Variants in AKAP13 observed in about 807,000 individuals in gnomAD.
AKAP13 encodes the protein A-kinase anchoring protein 13, also known as A-kinase anchor protein 13.
A neutral mutation model predicts 264.5 loss-of-function variants in AKAP13; 80 were observed. The observed-to-expected ratio is 0.30, with a 90% CI of 0.25 to 0.36. AKAP13 has a LOEUF of 0.36. Among genes scored for constraint, AKAP13 ranks in the 10% least tolerant of loss-of-function variants. The pLI is 1.00. For missense variants in AKAP13, 3,712 were observed against 3,435.2 expected (o/e 1.08, Z -2.01); for synonymous variants, 1,380 against 1,250.2 (o/e 1.10, Z -2.19).
At chr15:85,632,523 C>A (rs1318520446) in intron 8 of AKAP13, among the ~76,000 whole-genome samples, 1 of 152,120 alleles carries the variant, frequency 6.6e-6, no homozygotes, top group Non-Finnish European at 1.5e-5. Context: ...ACCATCAGGG[C>A]TTTTGCTGAT....
chr15:85,729,170 G>A (rs986460523), intron 29 of AKAP13, among the ~76,000 whole-genome samples: 38 of 151,988 alleles, frequency 2.5e-4, no homozygotes, highest in Middle Eastern at 3.4e-3. Flanking sequence ...GTGGTGGCAC[G>A]TGCCTGTAAT....
At position 85,668,447 on chromosome 15, in the gene AKAP13, A is replaced by G. The variant is rs146616420; in HGVS notation, c.4993-1275A>G. Among the ~76,000 whole-genome samples, 948 of 152,298 alleles carry G rather than the reference A, an allele frequency of 6.2e-3. 10 individuals carry two copies. The highest frequency in any genetic ancestry group is 0.021 in the African/African-American group (890 of 41,550). ...GGGATGTTGTACCAGGAACTTCTGC[A>G]GGTGGTTGGATTACATGGTCTCAAA... On this transcript the variant is annotated intron_variant, in intron 13 of 36. Coordinates refer to ENST00000394518, the MANE Select transcript of AKAP13 (RefSeq NM_007200.5).
chr15:85,504,647 G>C (rs111421024), intron 2 of AKAP13, among the ~76,000 whole-genome samples: 1 of 141,818 alleles, frequency 7.1e-6, no homozygotes, highest in Non-Finnish European at 1.5e-5. Context: ...AGCCATGGTC[G>C]CACCACTGTA....
Position 85,577,368 on chromosome 15 carries a change from A to G in AKAP13, c.862-1562A>G, listed in dbSNP as rs535294438. The stretch of plus-strand genomic sequence containing the variant: ...CCAGATGTTTGGAAAAATAGATTTT[A>G]GGTGTTGAGAAAATATTTTTATAAG... On this transcript the variant is annotated intron_variant, in intron 6 of 36. Coordinates refer to ENST00000394518, the MANE Select transcript of AKAP13 (RefSeq NM_007200.5). Among the ~76,000 whole-genome samples, 44 of 152,316 alleles carry G rather than the reference A, an allele frequency of 2.9e-4. 1 individual carries two copies. Among genetic ancestry groups the G allele is most frequent in the Middle Eastern group, 3.4e-3 (1 of 294 alleles).
intron 1 of AKAP13, among the ~76,000 whole-genome samples, chr15:85,383,603 TC>T (rs1194598014): frequency 2.0e-5 from 3 of 152,224 alleles, no homozygotes; most frequent in Non-Finnish European, 2.9e-5. Context: ...GAAGTCTATT[TC>T]TTCAAAGGTG....
Position 85,730,584 on chromosome 15 carries a change from G to A in AKAP13, c.7159G>A (p.Ala2387Thr), listed in dbSNP as rs778720505. The A allele has an allele frequency of 1.9e-6, 3 of 1,613,980 alleles. No homozygotes were observed. In the South Asian group the frequency reaches 3.3e-5, roughly 18 times the overall value. Residue 2387 changes from alanine (A) to threonine (T), a missense_variant, in exon 30 of 37, where the codon GCT becomes ACT. Ala to Thr is a moderately conservative substitution (Grantham distance 58). Around this residue, in one of 3 missense-constraint regions of AKAP13, gnomAD observed 342 missense variants for 484.3 expected, o/e 0.71. Coordinates refer to ENST00000394518, the MANE Select transcript of AKAP13 (RefSeq NM_007200.5). ...EEKEMIFRDM[A>T]ECSTPLPEDC... ...GAAGGAGATGATTTTCCGGGACATG[G>A]CTGAGTGCAGCACCCCTCTCCCAGA...
In AKAP13 at chr15:85,723,423, C is replaced by A; in HGVS notation, c.6745+103C>A. On this transcript the variant is annotated intron_variant, in intron 26 of 36. Transcript: ENST00000394518. ...ACTACCAGATTTTTTTCCCAGAGAG[C>A]CCATCTCTAAACACTACCCAGGAGC... 4 of 1,502,966 alleles carry A rather than the reference C, an allele frequency of 2.7e-6. No homozygotes were observed. The South Asian group carries it at 3.9e-5, about 15-fold the overall frequency. 93.1% of individuals were successfully genotyped at this position (1,502,966 alleles called of 1,614,324 possible). A position where few individuals can be genotyped will look rare whatever the true frequency, so the allele number is the denominator to read the frequency against.
chr15:85,559,879 T>A (rs2078297849), intron 5 of AKAP13, among the ~76,000 whole-genome samples: 1 of 152,136 alleles, frequency 6.6e-6, no homozygotes, highest in South Asian at 2.1e-4. Flanking sequence ...TTTAATCACT[T>A]ATAACTTATA....
At chr15:85,403,605 C>T (rs1242295399) in intron 1 of AKAP13, among the ~76,000 whole-genome samples, 1 of 152,082 alleles carries the variant, frequency 6.6e-6, no homozygotes, top group Non-Finnish European at 1.5e-5. Context: ...CTTTGGGAAG[C>T]TGAGGTGGGT....
At chr15:85,509,335 ATAT>A (rs1182467312) in intron 2 of AKAP13, among the ~76,000 whole-genome samples, 1 of 152,206 alleles carries the variant, frequency 6.6e-6, no homozygotes, top group Non-Finnish European at 1.5e-5. Context: ...GTGCTAAATA[ATAT>A]TAAAGATTTT....
At position 85,745,049 on chromosome 15, in the gene AKAP13, G is replaced by A. The variant is rs1348737403; in HGVS notation, c.*372G>A. 1 of 178,854 alleles carries A rather than the reference G, an allele frequency of 5.6e-6. No homozygotes were observed. Among genetic ancestry groups the A allele is most frequent in the Non-Finnish European group, 1.2e-5 (1 of 84,428 alleles). 11.1% of individuals were successfully genotyped at this position (178,854 alleles called of 1,614,324 possible). ...CTGAACCTCCGAATGCCTTTTATTTGGGGGAACACAAAACCAAACAGCAGA... is the reference window on the plus strand; with the variant it reads ...CTGAACCTCCGAATGCCTTTTATTTAGGGGAACACAAAACCAAACAGCAGA... On this transcript the variant is annotated 3_prime_UTR_variant, in exon 37 of 37. Transcript: ENST00000394518.
intron 1 of AKAP13, among the ~76,000 whole-genome samples, chr15:85,444,485 T>C (rs986784564): frequency 1.3e-5 from 2 of 152,200 alleles, no homozygotes; most frequent in Non-Finnish European, 2.9e-5. Flanking sequence ...AACCTTTGAC[T>C]TGGTTGCAGA....
At chr15:85,661,902 GAA>G (rs57846021) in intron 12 of AKAP13, among the ~76,000 whole-genome samples, 61,248 of 136,398 alleles carry the variant, frequency 0.45, 14,109 homozygotes, top group African/African-American at 0.63. Flanking sequence ...GGAAACACAT[GAA>G]AAAAAAAAAA....
At chr15:85,709,654 G>T in intron 18 of AKAP13, among the ~76,000 whole-genome samples, 1 of 126,124 alleles carries the variant, frequency 7.9e-6, no homozygotes, top group Non-Finnish European at 1.8e-5. Flanking sequence ...TAACCTAAAA[G>T]GGGGAATTTT....
At position 85,693,447 on chromosome 15, in the gene AKAP13, T is replaced by G; in HGVS notation, c.5460T>G (p.Cys1820Trp). 1 of 1,612,128 alleles carries G rather than the reference T, an allele frequency of 6.2e-7. No individual in the cohort carries two copies. The highest frequency in any genetic ancestry group is 8.5e-7 in the Non-Finnish European group (1 of 1,179,524). Residue 1820 changes from cysteine to tryptophan, a missense_variant, in exon 17 of 37, where the codon TGT (cysteine) becomes TGG (tryptophan). Cys to Trp is a radical substitution (Grantham distance 215). This residue lies in a region of AKAP13 where 2,759 missense variants were observed against 2,411.7 expected (regional missense o/e 1.14). Coordinates refer to ENST00000394518, the MANE Select transcript of AKAP13 (RefSeq NM_007200.5). The part of the protein sequence containing the change: ...KPFTNKDAYT[C>W]ANCSAFVHKG... Reference sequence around the variant, plus strand: ...TCACCAACAAAGATGCCTATACTTGTGCAAGTAAGAGACATGCTTCTTCCT... The same window carrying G: ...TCACCAACAAAGATGCCTATACTTGGGCAAGTAAGAGACATGCTTCTTCCT...
In AKAP13 at chr15:85,589,180, A is replaced by G. The variant is rs995209143; in HGVS notation, c.4161+3357A>G. On this transcript the variant is annotated intron_variant, in intron 8 of 36. Transcript: ENST00000394518. ...TAATTTTTCCCATTTAACTCTTCAC[A>G]TACTATATTCATATAGGTTTTCACT... 2.0e-5 allele frequency among the ~76,000 whole-genome samples: 3 copies of G among 152,224 alleles called. No homozygotes were observed. The South Asian group carries it at 6.2e-4, about 32-fold the overall frequency.
At position 85,719,529 on chromosome 15, in the gene AKAP13, A is replaced by C. The variant is rs903804266; in HGVS notation, c.6252+203A>C. Among the ~76,000 whole-genome samples, 3 of 152,214 alleles carry C rather than the reference A, an allele frequency of 2.0e-5. No homozygotes were observed. In the South Asian group the frequency reaches 6.2e-4, roughly 31 times the overall value. On this transcript the variant is annotated intron_variant, in intron 23 of 36. Transcript: ENST00000394518. ...TTTCTCTCCTAATGTTATTTTGGAAAGTTAAAGGGAGGGTATATATAAAGT... is the reference window on the plus strand; with the variant it reads ...TTTCTCTCCTAATGTTATTTTGGAACGTTAAAGGGAGGGTATATATAAAGT...
intron 15 of AKAP13, chr15:85,684,426 G>A (rs375530285): frequency 1.1e-5 from 2 of 190,000 alleles, no homozygotes; most frequent in South Asian, 1.4e-4. Flanking sequence ...AGCCAGGCGT[G>A]GTGGCATGTG....
At chr15:85,675,663 T>C (rs1377528234) in intron 14 of AKAP13, among the ~76,000 whole-genome samples, 1 of 152,108 alleles carries the variant, frequency 6.6e-6, no homozygotes, top group African/African-American at 2.4e-5. Context: ...CTTAAACATC[T>C]GATGTTATAG....
Sources: gnomAD v4.1 joint callset for allele counts (sites outside exome capture counted in the v4.1 genomes callset) on GRCh38, gnomAD v4.1.1 for gene constraint, gnomAD v4.1.1 regional missense constraint, MANE v1.5 for transcripts, NCBI Gene and HGNC (gene_info 2026-07-23, HGNC 2026-07-21) for gene names.